GAS7: variants seen among roughly 807,000 people sequenced by gnomAD.
GAS7 encodes growth arrest-specific protein 7.
Under a neutral mutation model 71.1 loss-of-function variants are expected in GAS7, and 28 were observed. The observed-to-expected ratio is 0.39, with a 90% CI of 0.29 to 0.54. GAS7 has a LOEUF of 0.54. GAS7 is among the 20% of genes least tolerant of loss of function. The pLI is 0.62. For missense variants in GAS7, 436 were observed against 627.8 expected, an observed-to-expected ratio of 0.69 and a Z score of 3.27; for synonymous variants, 258 against 245.8, an observed-to-expected ratio of 1.05 and a Z score of -0.46.
chr17:10,185,823 C>T (rs995972427), intron 1 of GAS7, among the ~76,000 whole-genome samples: 2 of 152,134 alleles, frequency 1.3e-5, no homozygotes, highest in South Asian at 2.1e-4. Flanking sequence ...CACTCGCCAC[C>T]CCCAATCAAG....
intron 1 of GAS7, among the ~76,000 whole-genome samples, chr17:10,159,033 G>C (rs2953447): frequency 1 from 135,425 of 135,426 alleles, 67,712 homozygotes; most frequent in Middle Eastern, 1. Flanking sequence ...GCACTCCAGC[G>C]TGGACAACAG....
At chr17:9,953,659 A>G (rs932243001) in intron 5 of GAS7, among the ~76,000 whole-genome samples, 6 of 152,244 alleles carry the variant, frequency 3.9e-5, no homozygotes, top group Admixed American at 6.5e-5. Flanking sequence ...TTGCTCGTTC[A>G]CTTTCCATTC....
chr17:10,174,457 C>A (rs56164678), intron 1 of GAS7, among the ~76,000 whole-genome samples: 30,487 of 152,018 alleles, frequency 0.2, 3,129 homozygotes, highest in Middle Eastern at 0.26. Context: ...CTCTGGGAGG[C>A]CGAGACGGGC....
rs2070013962 is a variant in GAS7 at position 9,972,578 on chromosome 17, A to C, written c.386-2816T>G. On this transcript the variant is annotated intron_variant, in intron 3 of 13. Coordinates refer to ENST00000432992, the MANE Select transcript of GAS7 (RefSeq NM_201433.2). ...GCTGATTGAAATAGATGTAGTAAAC[A>C]TCATATCCTACAAACAAAGATAACA... 2.0e-5 allele frequency among the ~76,000 whole-genome samples: 3 copies of C among 152,258 alleles called. No homozygotes were observed. In the South Asian group the frequency reaches 6.2e-4, roughly 31 times the overall value.
At chr17:10,003,138 G>A (rs1368607450) in intron 2 of GAS7, among the ~76,000 whole-genome samples, 1 of 152,234 alleles carries the variant, frequency 6.6e-6, no homozygotes, top group Non-Finnish European at 1.5e-5. Flanking sequence ...CTGGCTGGGG[G>A]TGATAGGAGG....
At chr17:9,998,703 G>GAAAA (rs72070543) in intron 2 of GAS7, among the ~76,000 whole-genome samples, 1 of 144,856 alleles carries the variant, frequency 6.9e-6, no homozygotes, top group Non-Finnish European at 1.5e-5. Context: ...AAAGGAAAAG[G>GAAAA]GAAGGGAAGG....
chr17:9,934,350 A>G, intron 8 of GAS7, 106 bp from the exon 9 acceptor site: 1 of 746,252 alleles, frequency 1.3e-6, no homozygotes, highest in East Asian at 2.7e-5. Context: ...ACAGCTGAGA[A>G]TGTGGACGCG....
chr17:9,928,198 C>T (rs1012513148), intron 9 of GAS7, among the ~76,000 whole-genome samples: 2 of 151,902 alleles, frequency 1.3e-5, no homozygotes, highest in Non-Finnish European at 2.9e-5. Flanking sequence ...CTGCAAGCCT[C>T]GCCTTCCAGG....
chr17:10,045,646 G>A lies in GAS7; in HGVS notation c.184-25749C>T, dbSNP rs11867811. Among the ~76,000 whole-genome samples the A allele has an allele frequency of 3.8e-3, 572 of 152,332 alleles. 4 individuals carry two copies. Among genetic ancestry groups the A allele is most frequent in the African/African-American group, 0.013 (553 of 41,576 alleles). The stretch of plus-strand genomic sequence containing the variant: ...CAGGAGACAGAGATTGCAGTGAGCT[G>A]AGATCGCGCCATTGCACTCCAGCCT... On this transcript the variant is annotated intron_variant, in intron 1 of 13. Coordinates refer to ENST00000432992, the MANE Select transcript of GAS7 (RefSeq NM_201433.2).
chr17:9,953,749 A>G (rs1271367086), intron 5 of GAS7, among the ~76,000 whole-genome samples: 2 of 152,216 alleles, frequency 1.3e-5, no homozygotes, highest in African/African-American at 4.8e-5. Flanking sequence ...ATTTGTAATG[A>G]TATTTCTCGT....
At chr17:10,142,125 A>T (rs2074087430) in intron 1 of GAS7, among the ~76,000 whole-genome samples, 1 of 151,730 alleles carries the variant, frequency 6.6e-6, no homozygotes, top group African/African-American at 2.4e-5. Context: ...CTGAGGCAGG[A>T]GAATGGCGTG....
chr17:10,024,999 C>T (rs972306384), intron 1 of GAS7, among the ~76,000 whole-genome samples: 5 of 152,154 alleles, frequency 3.3e-5, no homozygotes, highest in Non-Finnish European at 7.3e-5. Context: ...TCACAACAAG[C>T]CTGCCTCATA....
chr17:10,045,023 A>G (rs900590747), intron 1 of GAS7, among the ~76,000 whole-genome samples: 21 of 147,018 alleles, frequency 1.4e-4, no homozygotes, highest in East Asian at 9.9e-4. Context: ...CCCGGGCGAC[A>G]GAGCGAGACT....
chr17:10,037,594 G>C (rs1567561885), intron 1 of GAS7, among the ~76,000 whole-genome samples: 1 of 152,128 alleles, frequency 6.6e-6, no homozygotes, highest in African/African-American at 2.4e-5. Context: ...TCTAAGGATG[G>C]AGTCAGACCA....
At chr17:10,148,329 A>G (rs2074136725) in intron 1 of GAS7, among the ~76,000 whole-genome samples, 1 of 151,924 alleles carries the variant, frequency 6.6e-6, no homozygotes, top group African/African-American at 2.4e-5. Flanking sequence ...CTCAGTTAAG[A>G]GCCAGACGCA....
At chr17:10,072,048 C>T (rs560924820) in intron 1 of GAS7, among the ~76,000 whole-genome samples, 8 of 152,238 alleles carry the variant, frequency 5.3e-5, no homozygotes, top group African/African-American at 1.4e-4. Context: ...AATGCTGCCA[C>T]GTTCTCCACC....
At chr17:10,138,287 G>A (rs557449728) in intron 1 of GAS7, among the ~76,000 whole-genome samples, 29 of 152,146 alleles carry the variant, frequency 1.9e-4, no homozygotes, top group African/African-American at 6.7e-4. Flanking sequence ...CAGATGTGAA[G>A]GCACTTAAAT....
chr17:9,923,377 CAAA>C (rs11316459), intron 11 of GAS7, among the ~76,000 whole-genome samples: 1 of 144,726 alleles, frequency 6.9e-6, no homozygotes, highest in African/African-American at 2.5e-5. Context: ...GACAAACAAG[CAAA>C]AAAAAAAAAT....
chr17:10,142,328 A>C (rs906004274), intron 1 of GAS7, among the ~76,000 whole-genome samples: 2 of 152,234 alleles, frequency 1.3e-5, no homozygotes, highest in Non-Finnish European at 2.9e-5. Flanking sequence ...AAAGTCAATA[A>C]AACTGATCAT....
Sources: allele counts gnomAD v4.1 joint callset (sites outside exome capture counted in the v4.1 genomes callset), GRCh38; gene constraint gnomAD v4.1.1; transcripts MANE v1.5; gene names NCBI Gene and HGNC (gene_info 2026-07-23, HGNC 2026-07-21).